CHST11: variants seen among roughly 807,000 people sequenced by gnomAD.
CHST11 encodes carbohydrate sulfotransferase 11, also known as C4S-1.
In CHST11, 9 loss-of-function variants were observed where a neutral mutation model predicts 30.4. That is an observed-to-expected ratio of 0.30 (90% CI 0.18 to 0.52). The LOEUF is 0.52. Ranked by LOEUF, CHST11 falls within the 20% of genes least tolerant of loss-of-function variation. The probability of loss-of-function intolerance (pLI) is 0.97; values close to 1 mark genes in which losing one functional copy is unlikely to be tolerated. For synonymous variants in CHST11, 152 were observed against 187.8 expected, an observed-to-expected ratio of 0.81 and a Z score of 1.56; for missense variants, 348 against 460.6, an observed-to-expected ratio of 0.76 and a Z score of 2.24.
chr12:104,656,354 T>A (rs1484647972), intron 2 of CHST11, among the ~76,000 whole-genome samples: 2 of 152,210 alleles, frequency 1.3e-5, no homozygotes, highest in Non-Finnish European at 2.9e-5. Context: ...AAGTGATGCA[T>A]CAGGCTCCCT....
At chr12:104,503,599 C>T (rs769299034) in intron 1 of CHST11, among the ~76,000 whole-genome samples, 14 of 152,214 alleles carry the variant, frequency 9.2e-5, no homozygotes, top group Non-Finnish European at 1.6e-4. Flanking sequence ...GGGAGCTCCT[C>T]TTCTTACTGG....
At chr12:104,461,737 A>C (rs985356875) in intron 1 of CHST11, among the ~76,000 whole-genome samples, 2 of 152,190 alleles carry the variant, frequency 1.3e-5, no homozygotes, top group East Asian at 3.8e-4. Flanking sequence ...GAATGTATTG[A>C]AAGATTATAT....
intron 2 of CHST11, among the ~76,000 whole-genome samples, chr12:104,688,780 T>G (rs544115769): frequency 6.6e-6 from 1 of 152,286 alleles, no homozygotes; most frequent in Non-Finnish European, 1.5e-5. Flanking sequence ...ATAGAGCCCT[T>G]AAGATGATGT....
chr12:104,494,317 G>A (rs2037778902), intron 1 of CHST11, among the ~76,000 whole-genome samples: 1 of 152,182 alleles, frequency 6.6e-6, no homozygotes, highest in Non-Finnish European at 1.5e-5. Flanking sequence ...CTCTGGCCTT[G>A]GCCTCTTAGT....
At chr12:104,537,423 G>A (rs12582786) in intron 1 of CHST11, among the ~76,000 whole-genome samples, 2,396 of 152,252 alleles carry the variant, frequency 0.016, 114 homozygotes, top group East Asian at 0.15. Flanking sequence ...AACAGGGTGG[G>A]CTCTGAGGTC....
At chr12:104,655,146 T>C (rs576339452) in intron 2 of CHST11, among the ~76,000 whole-genome samples, 1 of 152,370 alleles carries the variant, frequency 6.6e-6, no homozygotes, top group East Asian at 1.9e-4. Context: ...CTGATGGAAA[T>C]GGCAGAGGGC....
chr12:104,757,601 C>G lies in CHST11; in HGVS notation c.857C>G (p.Ser286Cys). Reference protein sequence around the residue: ...VGKYETLEEDSNYVLQLAGVG... With the variant: ...VGKYETLEEDCNYVLQLAGVG... Reference sequence around the variant, plus strand: ...AAGTACGAGACACTGGAAGAGGATTCTAATTACGTCCTGCAGCTGGCAGGA... The same window carrying G: ...AAGTACGAGACACTGGAAGAGGATTGTAATTACGTCCTGCAGCTGGCAGGA... The change falls in exon 3 of 3, where the codon TCT becomes TGT. Residue 286 changes from serine (S) to cysteine (C), a missense_variant. This residue lies in a region of CHST11 where 210 missense variants were observed against 287.2 expected (regional missense o/e 0.73). Transcript: ENST00000303694. This position sits in a 1 kb window ranked among gnomAD's most constrained non-coding sequence, Gnocchi z 6.5. 1 of 1,614,174 alleles carries G rather than the reference C, an allele frequency of 6.2e-7. No homozygotes were observed. The highest frequency in any genetic ancestry group is 8.5e-7 in the Non-Finnish European group (1 of 1,180,022).
chr12:104,460,913 A>G (rs888085506), intron 1 of CHST11, among the ~76,000 whole-genome samples: 11 of 152,208 alleles, frequency 7.2e-5, no homozygotes, highest in Non-Finnish European at 1.2e-4. Flanking sequence ...TAGGGCAAGG[A>G]CCAGGTTTTA....
rs74825265 is a variant in CHST11 at position 104,676,911 on chromosome 12, G to A, written c.204+74920G>A. Among the ~76,000 whole-genome samples the A allele has an allele frequency of 6.2e-3, 938 of 152,268 alleles. 9 individuals carry two copies. The highest frequency in any genetic ancestry group is 0.022 in the African/African-American group (898 of 41,552). Reference sequence around the variant, plus strand: ...CCATTCTCATCGTGCCAGGGTGCTGGCACATTCTTGTTTCTATAGGGGCTG... The same window carrying A: ...CCATTCTCATCGTGCCAGGGTGCTGACACATTCTTGTTTCTATAGGGGCTG... On this transcript the variant is annotated intron_variant, in intron 2 of 2. Coordinates refer to ENST00000303694, the MANE Select transcript of CHST11 (RefSeq NM_018413.6). The surrounding 1 kb of genome is among the most constrained non-coding windows in gnomAD (Gnocchi z 4.4).
chr12:104,472,387 T>C (rs1170950902), intron 1 of CHST11, among the ~76,000 whole-genome samples: 3 of 148,486 alleles, frequency 2.0e-5, no homozygotes, highest in Non-Finnish European at 4.4e-5. Flanking sequence ...CTGCAAAGTT[T>C]TATACACACA....
At chr12:104,711,647 T>G (rs1341745636) in intron 2 of CHST11, among the ~76,000 whole-genome samples, 1 of 152,078 alleles carries the variant, frequency 6.6e-6, no homozygotes, top group African/African-American at 2.4e-5. Context: ...AAGGGTGAAT[T>G]TAAAAGGGCC....
chr12:104,659,066 A>C (rs1410414329), intron 2 of CHST11, among the ~76,000 whole-genome samples: 1 of 152,238 alleles, frequency 6.6e-6, no homozygotes, highest in Non-Finnish European at 1.5e-5. Flanking sequence ...ACGTTCTCTC[A>C]CTTGATCTCC....
chr12:104,617,422 CA>C (rs1475558566), intron 2 of CHST11, among the ~76,000 whole-genome samples: 4 of 152,154 alleles, frequency 2.6e-5, no homozygotes, highest in Non-Finnish European at 5.9e-5. Flanking sequence ...GTCATCTTAC[CA>C]TTCTCCCATC....
At chr12:104,472,684 C>T (rs1294104777) in intron 1 of CHST11, among the ~76,000 whole-genome samples, 1 of 152,194 alleles carries the variant, frequency 6.6e-6, no homozygotes, top group Non-Finnish European at 1.5e-5. Flanking sequence ...GATGTAAACA[C>T]ACATACTTCA....
chr12:104,544,170 G>A (rs1362049232), intron 1 of CHST11, among the ~76,000 whole-genome samples: 2 of 120,054 alleles, frequency 1.7e-5, no homozygotes, highest in African/African-American at 3.0e-5. Context: ...AAGAAAGAAA[G>A]AAAGAAAGAA....
At chr12:104,551,850 C>T (rs916473014) in intron 1 of CHST11, among the ~76,000 whole-genome samples, 1 of 152,022 alleles carries the variant, frequency 6.6e-6, no homozygotes, top group Non-Finnish European at 1.5e-5. Context: ...GATCCTGGTG[C>T]GGGCTGGTGG....
At chr12:104,714,022 T>C (rs1010431937) in intron 2 of CHST11, among the ~76,000 whole-genome samples, 1 of 152,208 alleles carries the variant, frequency 6.6e-6, no homozygotes, top group Non-Finnish European at 1.5e-5. Flanking sequence ...AGATGCCTCC[T>C]GGGTAGTAAG....
At chr12:104,550,794 G>A (rs1362092499) in intron 1 of CHST11, among the ~76,000 whole-genome samples, 1 of 152,122 alleles carries the variant, frequency 6.6e-6, no homozygotes, top group East Asian at 1.9e-4. Flanking sequence ...GTGCTCAAGG[G>A]GTAAAAGAGG....
intron 1 of CHST11, among the ~76,000 whole-genome samples, chr12:104,601,628 A>G (rs917683154): frequency 6.6e-6 from 1 of 152,208 alleles, no homozygotes; most frequent in Admixed American, 6.5e-5. Context: ...TTTCATTTCA[A>G]TGAGCTTTAG....
Sources: gnomAD v4.1 joint callset for allele counts (sites outside exome capture counted in the v4.1 genomes callset) on GRCh38, gnomAD v4.1.1 for gene constraint, gnomAD v4.1.1 regional missense constraint, Gnocchi (gnomAD v3.1) non-coding constraint, MANE v1.5 for transcripts, NCBI Gene and HGNC (gene_info 2026-07-23, HGNC 2026-07-21) for gene names.